The following UBE2S variants were observed in gnomAD, a reference collection of about 807,000 sequenced individuals.
UBE2S encodes the protein ubiquitin conjugating enzyme E2 S.
In UBE2S, 3 loss-of-function variants were observed where a neutral mutation model predicts 12.3. That is an observed-to-expected ratio of 0.24 (90% CI 0.11 to 0.63). UBE2S has a LOEUF of 0.63. Ranked by LOEUF, UBE2S falls within the 30% of genes least tolerant of loss-of-function variation. The probability of loss-of-function intolerance (pLI) is 0.85; values close to 1 mark genes in which losing one functional copy is unlikely to be tolerated. For missense variants in UBE2S, 211 were observed against 313.9 expected, an observed-to-expected ratio of 0.67 and a Z score of 2.48; for synonymous variants, 133 against 142.0, an observed-to-expected ratio of 0.94 and a Z score of 0.45.
At chr19:55,403,191 G>A in intron 3 of UBE2S, 1 of 657,900 alleles carries the variant, frequency 1.5e-6, no homozygotes, top group South Asian at 1.7e-5. Context: ...ATCACCTCTG[G>A]CTGAGAAACA....
At chr19:55,402,315 G>A (rs59955872) in intron 3 of UBE2S, among the ~76,000 whole-genome samples, 84 of 152,330 alleles carry the variant, frequency 5.5e-4, no homozygotes, top group African/African-American at 1.9e-3. Context: ...TCAGACATCC[G>A]AAGTTCACAG....
Position 55,401,529 on chromosome 19 carries a change from C to T in UBE2S, c.576G>A (p.Glu192=), listed in dbSNP as rs1175504565. The T allele has an allele frequency of 4.3e-6, 7 of 1,610,516 alleles. No homozygotes were observed. The highest frequency in any genetic ancestry group is 1.3e-5 in the African/African-American group (1 of 74,800). The change falls in exon 4 of 4, where the codon GAG becomes GAA. Residue 192 remains glutamate (E), a synonymous_variant. Coordinates refer to ENST00000264552, the MANE Select transcript of UBE2S (RefSeq NM_014501.3). ...CAGCATGCTTCTTGGCCATGGGACCCTCAGCCCCTCCCGGGCCCCCTGGGG... is the reference window on the plus strand; with the variant it reads ...CAGCATGCTTCTTGGCCATGGGACCTTCAGCCCCTCCCGGGCCCCCTGGGG... The part of the protein sequence containing the change: ...PGAPGGPGGA[E]GPMAKKHAGE...
intron 1 of UBE2S, 85 bp downstream of exon 1, chr19:55,407,502 C>A: frequency 6.9e-7 from 1 of 1,449,070 alleles, no homozygotes; most frequent in Non-Finnish European, 9.2e-7. Context: ...CCCCTCAAGG[C>A]CGCCCGTCGG....
Position 55,401,625 on chromosome 19 carries a change from C to G in UBE2S, c.480G>C (p.Gly160=), listed in dbSNP as rs1358076881. The change falls in exon 4 of 4, where the codon GGG becomes GGC. Residue 160 remains glycine, a synonymous_variant. Transcript: ENST00000264552. ...GACCGGCTTCGGCCCTGCCGCTGGGCCCGCCGGCGCCCCCGTGGATCTCTG... is the reference window on the plus strand; with the variant it reads ...GACCGGCTTCGGCCCTGCCGCTGGGGCCGCCGGCGCCCCCGTGGATCTCTG... The part of the protein sequence containing the change: ...LLTEIHGGAG[G]PSGRAEAGRA... 1 of 1,605,228 alleles carries G rather than the reference C, an allele frequency of 6.2e-7. No homozygotes were observed. Among genetic ancestry groups the G allele is most frequent in the Admixed American group, 1.7e-5 (1 of 58,730 alleles).
chr19:55,403,026 C>A, intron 3 of UBE2S: 1 of 1,501,602 alleles, frequency 6.7e-7, no homozygotes, highest in Non-Finnish European at 9.0e-7. Flanking sequence ...TCAGCAACAC[C>A]GCAGCCAGGT....
intron 3 of UBE2S, chr19:55,403,051 G>C (rs1199476716): frequency 7.0e-7 from 1 of 1,419,408 alleles, no homozygotes; most frequent in East Asian, 2.5e-5. Flanking sequence ...CTGTGTCATG[G>C]AGCCATCTCG....
intron 3 of UBE2S, chr19:55,402,808 G>A: frequency 1.4e-6 from 1 of 691,758 alleles, no homozygotes; most frequent in Non-Finnish European, 2.4e-6. Flanking sequence ...ACATGTGGGA[G>A]GGAAGGGTTT....
Position 55,406,728 on chromosome 19 carries a change from T to A in UBE2S, c.151+87A>T, listed in dbSNP as rs2090098426. On this transcript the variant is annotated intron_variant, in intron 2 of 3. Transcript: ENST00000264552. ...CAACACCTGACACGAGGCCAGCCTG[T>A]AATGGGTACTTCCCGCTAGGGTGAT... 2.0e-6 allele frequency: 3 copies of A among 1,507,370 alleles called. No individual in the cohort carries two copies. In the Admixed American group the frequency reaches 6.2e-5, roughly 31 times the overall value. 93.4% of individuals were successfully genotyped at this position (1,507,370 alleles called of 1,614,324 possible).
chr19:55,402,958 G>A, intron 3 of UBE2S: 1 of 1,533,610 alleles, frequency 6.5e-7, no homozygotes, highest in African/African-American at 1.4e-5. Flanking sequence ...GGGAAGGGTT[G>A]GGAGGCAGCA....
rs559435005 is a variant in UBE2S, at chr19:55,401,446, C to T, written c.659G>A (p.Arg220Gln). 35 of 1,603,524 alleles carry T rather than the reference C, an allele frequency of 2.2e-5. No homozygotes were observed. Among genetic ancestry groups the T allele is most frequent in the African/African-American group, 2.7e-5 (2 of 74,804 alleles). ...GAGGAAGAGAGCCCACTACAGCCGCCGCAGCGCCCGCTTCTTGTCCGTCTT... is the reference window on the plus strand; with the variant it reads ...GAGGAAGAGAGCCCACTACAGCCGCTGCAGCGCCCGCTTCTTGTCCGTCTT... ...KKKTDKKRAL[R>Q]RL Residue 220 changes from arginine (R) to glutamine (Q), a missense_variant, in exon 4 of 4, where the codon CGG becomes CAG. Arg to Gln is a conservative substitution (Grantham distance 43). This residue lies in a region of UBE2S where 84 missense variants were observed against 89.9 expected (regional missense o/e 0.93). Transcript: ENST00000264552.
At chr19:55,405,788 C>T (rs1312059838) in intron 2 of UBE2S, among the ~76,000 whole-genome samples, 3 of 152,180 alleles carry the variant, frequency 2.0e-5, no homozygotes, top group Non-Finnish European at 4.4e-5. Context: ...AGCCTCCCAA[C>T]CCAGTGAACG....
rs1299385628 is a variant in UBE2S, at chr19:55,406,857, C to T, written c.109G>A (p.Glu37Lys). The T allele has an allele frequency of 1.2e-6, 2 of 1,613,750 alleles. No homozygotes were observed. The highest frequency in any genetic ancestry group is 1.3e-5 in the African/African-American group (1 of 74,908). The change falls in exon 2 of 4, where the codon GAG becomes AAG. Residue 37 changes from glutamate (E) to lysine (K), a missense_variant. Physicochemically the swap from Glu to Lys is moderately conservative, Grantham distance 56. Coordinates refer to ENST00000264552, the MANE Select transcript of UBE2S (RefSeq NM_014501.3). ...ACCTGGAGGTCGGTGAGGTCCTCCT[C>T]GTTGGGAAAGACCTTGATGCCATCG... The part of the protein sequence containing the change: ...PPDGIKVFPN[E>K]EDLTDLQVTI...
At chr19:55,401,820 C>T (rs930535276) in intron 3 of UBE2S, 58 bp from the exon 4 acceptor site, 1 of 1,591,682 alleles carries the variant, frequency 6.3e-7, no homozygotes, top group Non-Finnish European at 8.6e-7. Context: ...ACCCCCAGGC[C>T]TCCACAAGAG....
At chr19:55,405,856 G>A (rs1019714472) in intron 2 of UBE2S, among the ~76,000 whole-genome samples, 2 of 152,148 alleles carry the variant, frequency 1.3e-5, no homozygotes, top group African/African-American at 4.8e-5. Context: ...TAGCCCATCA[G>A]CAGCCTGAGC....
chr19:55,401,866 A>G, intron 3 of UBE2S, 104 bp from the exon 4 acceptor site: 2 of 1,237,742 alleles, frequency 1.6e-6, no homozygotes, highest in Non-Finnish European at 2.3e-6. Context: ...TCTGCTCCCA[A>G]CTCAGCTGCA....
At chr19:55,407,039 GC>G in intron 1 of UBE2S, 77 bp from the exon 2 acceptor site, 1 of 1,533,380 alleles carries the variant, frequency 6.5e-7, no homozygotes, top group Admixed American at 1.9e-5. Flanking sequence ...TGCTGAGACT[GC>G]CCAAGTCTTG....
In UBE2S at chr19:55,407,757, C is replaced by A. The variant is rs895875015; in HGVS notation, c.-168G>T. 7.1e-6 allele frequency: 3 copies of A among 422,298 alleles called. No individual in the cohort carries two copies. Among genetic ancestry groups the A allele is most frequent in the African/African-American group, 2.1e-5 (1 of 48,116 alleles). The allele number at this position is 422,298 out of a possible 1,614,324, so 26.2% of individuals were successfully genotyped here. A position where few individuals can be genotyped will look rare whatever the true frequency, so the allele number is the denominator to read the frequency against. On this transcript the variant is annotated 5_prime_UTR_variant, in exon 1 of 4. Transcript: ENST00000264552. The stretch of plus-strand genomic sequence containing the variant: ...GTCCGCCGCGCACAGCGTAGACCAA[C>A]CCGCCGCCCCGGTGCCCGGCAGCAC...
In UBE2S at chr19:55,401,565, G is replaced by A. The variant is rs547183178; in HGVS notation, c.540C>T (p.Thr180=). Residue 180 remains threonine (T), a synonymous_variant, in exon 4 of 4, where the codon ACC becomes ACT. Transcript: ENST00000264552. ...CCGGGCCCCCTGGGGCCCCAGGGTCGGTGGAGGAAGCTTCAGTGCCACTGG... is the reference window on the plus strand; with the variant it reads ...CCGGGCCCCCTGGGGCCCCAGGGTCAGTGGAGGAAGCTTCAGTGCCACTGG... ...ALASGTEASS[T]DPGAPGGPGG... 4.2e-5 allele frequency: 67 copies of A among 1,610,158 alleles called. 1 individual carries two copies. Among genetic ancestry groups the A allele is most frequent in the Middle Eastern group, 2.2e-4 (1 of 4,576 alleles).
In UBE2S at chr19:55,401,595, G is replaced by T; in HGVS notation, c.510C>A (p.Ala170=). ...AGGAAGCTTCAGTGCCACTGGCCAG[G>T]GCCCGACCGGCTTCGGCCCTGCCGC... ...GPSGRAEAGR[A]LASGTEASST... Residue 170 remains alanine, a synonymous_variant, in exon 4 of 4, where the codon GCC becomes GCA. Transcript: ENST00000264552. The T allele has an allele frequency of 1.9e-6, 3 of 1,607,760 alleles. No individual in the cohort carries two copies. Among genetic ancestry groups the T allele is most frequent in the Non-Finnish European group, 2.5e-6 (3 of 1,178,226 alleles).
Sources: gnomAD v4.1 joint callset for allele counts (sites outside exome capture counted in the v4.1 genomes callset) on GRCh38, gnomAD v4.1.1 for gene constraint, gnomAD v4.1.1 regional missense constraint, MANE v1.5 for transcripts, NCBI Gene and HGNC (gene_info 2026-07-23, HGNC 2026-07-21) for gene names.